GPR107: variants seen among roughly 807,000 people sequenced by gnomAD.
GPR107 encodes the protein protein GPR107.
A neutral mutation model predicts 75.5 loss-of-function variants in GPR107; 31 were observed. That is an observed-to-expected ratio of 0.41 (90% CI 0.31 to 0.55). GPR107 has a LOEUF of 0.55. Ranked by LOEUF, GPR107 falls within the 20% of genes least tolerant of loss-of-function variation. GPR107 has a pLI of 0.26. For missense variants in GPR107, 572 were observed against 665.7 expected (o/e 0.86, Z 1.55); for synonymous variants, 267 against 251.3 (o/e 1.06, Z -0.59).
intron 14 of GPR107, among the ~76,000 whole-genome samples, chr9:130,119,599 A>T (rs1355654444): frequency 6.6e-6 from 1 of 152,070 alleles, no homozygotes; most frequent in African/African-American, 2.4e-5. Flanking sequence ...TGAACCCAGG[A>T]TGTTCAGTCG....
chr9:130,127,205 A>G lies in GPR107; in HGVS notation c.1357-278A>G, dbSNP rs74373516. Among the ~76,000 whole-genome samples, 1,241 of 152,264 alleles carry G rather than the reference A, an allele frequency of 8.2e-3. 26 individuals carry two copies. The highest frequency in any genetic ancestry group is 0.029 in the African/African-American group (1,187 of 41,550). On this transcript the variant is annotated intron_variant, in intron 15 of 17. Coordinates refer to ENST00000347136, the MANE Select transcript of GPR107 (RefSeq NM_020960.5). ...CTTATGTCTGTGGATAGGGTGAGGA[A>G]GGGTTAAGAACAACCTGACTAAAGT... is the stretch of plus-strand genomic sequence containing the variant.
intron 17 of GPR107, among the ~76,000 whole-genome samples, chr9:130,132,123 A>G (rs1461354442): frequency 1.3e-5 from 2 of 152,094 alleles, no homozygotes; most frequent in African/African-American, 4.8e-5. Flanking sequence ...GGGCTTAAGC[A>G]GTCCTCCCGC....
chr9:130,076,016 G>C (rs901033966), intron 2 of GPR107, among the ~76,000 whole-genome samples: 2 of 151,630 alleles, frequency 1.3e-5, no homozygotes, highest in Non-Finnish European at 2.9e-5. Flanking sequence ...TCCTGACCTC[G>C]TGATCCACCC....
intron 17 of GPR107, among the ~76,000 whole-genome samples, chr9:130,132,478 T>C (rs1831850884): frequency 6.6e-6 from 1 of 152,200 alleles, no homozygotes. Context: ...CCAGACTGGC[T>C]GGATGTATTA....
intron 14 of GPR107, among the ~76,000 whole-genome samples, chr9:130,122,488 G>A (rs1219473126): frequency 6.6e-6 from 1 of 152,196 alleles, no homozygotes; most frequent in African/African-American, 2.4e-5. Flanking sequence ...CAGTTCTCAT[G>A]TCTTGTCCTC....
intron 9 of GPR107, among the ~76,000 whole-genome samples, chr9:130,098,534 C>T (rs1284759695): frequency 6.6e-6 from 1 of 152,148 alleles, no homozygotes; most frequent in Admixed American, 6.5e-5. Context: ...TCTGGCTTTC[C>T]CAGGGTGGTT....
chr9:130,079,835 A>T (rs2132568090), intron 5 of GPR107, 66 bp downstream of exon 5: 1 of 1,072,446 alleles, frequency 9.3e-7, no homozygotes, highest in Non-Finnish European at 1.3e-6. Context: ...TTTGTTCCTA[A>T]TTAAAAGTAA....
chr9:130,061,590 G>A (rs995171014), intron 1 of GPR107, among the ~76,000 whole-genome samples: 1 of 152,134 alleles, frequency 6.6e-6, no homozygotes, highest in Non-Finnish European at 1.5e-5. Flanking sequence ...CCTGGTTTTT[G>A]GCATAGGGAA....
chr9:130,053,967 C>T lies in GPR107; in HGVS notation c.35C>T (p.Ser12Phe). The part of the protein sequence containing the change: ...AALAPVGSPA[S>F]RGPRLAAGLR... ...CTGGCGCCCGTCGGCTCCCCCGCCT[C>T]CCGCGGTCCTAGGCTGGCCGCGGGC... Residue 12 changes from serine to phenylalanine, a missense_variant, in exon 1 of 18, where the codon TCC becomes TTC. Coordinates refer to ENST00000347136, the MANE Select transcript of GPR107 (RefSeq NM_020960.5). 1.3e-6 allele frequency: 2 copies of T among 1,555,304 alleles called. No homozygotes were observed. Among genetic ancestry groups the T allele is most frequent in the Non-Finnish European group, 1.7e-6 (2 of 1,150,870 alleles).
intron 9 of GPR107, among the ~76,000 whole-genome samples, chr9:130,093,558 G>A (rs1211956537): frequency 6.6e-6 from 1 of 152,150 alleles, no homozygotes; most frequent in Non-Finnish European, 1.5e-5. Flanking sequence ...GACTCTGGCT[G>A]GGTTCAGTTG....
intron 16 of GPR107, 64 bp from the exon 17 acceptor site, chr9:130,128,575 TC>T: frequency 7.3e-7 from 1 of 1,375,478 alleles, no homozygotes; most frequent in Non-Finnish European, 1.0e-6. Context: ...TTTGTTGAAT[TC>T]CACTGCTTTC....
chr9:130,089,331 A>G (rs1027747255), intron 7 of GPR107, among the ~76,000 whole-genome samples: 1 of 152,154 alleles, frequency 6.6e-6, no homozygotes, highest in African/African-American at 2.4e-5. Flanking sequence ...GCCCATCCGC[A>G]GGGTTCTTGG....
intron 1 of GPR107, among the ~76,000 whole-genome samples, chr9:130,060,486 C>T (rs2083698403): frequency 7.5e-6 from 1 of 133,616 alleles, no homozygotes; most frequent in Admixed American, 8.6e-5. Flanking sequence ...CCAGTGCAAA[C>T]ATAGTGCACG....
intron 12 of GPR107, among the ~76,000 whole-genome samples, chr9:130,102,304 T>C (rs1036916204): frequency 6.6e-6 from 1 of 152,180 alleles, no homozygotes; most frequent in Non-Finnish European, 1.5e-5. Context: ...TGCCGAGGTC[T>C]CGGAGTTGTG....
At chr9:130,110,655 G>A (rs1831274738) in intron 14 of GPR107, among the ~76,000 whole-genome samples, 1 of 152,250 alleles carries the variant, frequency 6.6e-6, no homozygotes, top group Non-Finnish European at 1.5e-5. Context: ...CCCAGAGCCA[G>A]AGCAGCCGTG....
intron 13 of GPR107, among the ~76,000 whole-genome samples, chr9:130,106,942 T>C (rs1831174144): frequency 6.6e-6 from 1 of 152,320 alleles, no homozygotes; most frequent in African/African-American, 2.4e-5. Context: ...AATGTTAATG[T>C]TCCTCTGCCT....
intron 9 of GPR107, among the ~76,000 whole-genome samples, chr9:130,094,322 T>G (rs1251194479): frequency 6.6e-6 from 1 of 152,146 alleles, no homozygotes; most frequent in African/African-American, 2.4e-5. Flanking sequence ...CAGGTGCCTA[T>G]AGTCCCAGCT....
chr9:130,094,648 GT>G (rs35666739), intron 9 of GPR107, among the ~76,000 whole-genome samples: 1 of 150,652 alleles, frequency 6.6e-6, no homozygotes, highest in African/African-American at 2.4e-5. Context: ...TTTTGGGTGG[GT>G]TTTTTTATTT....
intron 6 of GPR107, among the ~76,000 whole-genome samples, chr9:130,085,886 G>T (rs1830605023): frequency 6.6e-6 from 1 of 151,506 alleles, no homozygotes; most frequent in South Asian, 2.1e-4. Context: ...GAGTAGCTGG[G>T]ATTATAGACA....
Sources: allele counts gnomAD v4.1 joint callset (sites outside exome capture counted in the v4.1 genomes callset), GRCh38; gene constraint gnomAD v4.1.1; transcripts MANE v1.5; gene names NCBI Gene and HGNC (gene_info 2026-07-23, HGNC 2026-07-21).